Variants in DBP observed in about 807,000 individuals in gnomAD.
The protein encoded by DBP is D site-binding protein.
Under a neutral mutation model 21.4 loss-of-function variants are expected in DBP, and 12 were observed. The ratio of observed to expected loss-of-function variants is 0.56; its 90% CI spans 0.36 to 0.91. The LOEUF is 0.91. Ranked by LOEUF, DBP falls within the 40% of genes least tolerant of loss-of-function variation. The pLI, the probability that DBP is intolerant of heterozygous loss-of-function variation, is 0.01. For missense variants in DBP, 423 were observed against 473.4 expected (o/e 0.89, Z 0.99); for synonymous variants, 213 against 224.9 (o/e 0.95, Z 0.47).
At chr19:48,635,074 G>C (rs1227652907) in intron 2 of DBP, 1 of 986,848 alleles carries the variant, frequency 1.0e-6, no homozygotes, top group Admixed American at 6.1e-5. Context: ...ACCCGGGGCT[G>C]CAGCACGCCC....
At chr19:48,633,745 G>A in intron 2 of DBP, 90 bp from the exon 3 acceptor site, 3 of 1,092,958 alleles carry the variant, frequency 2.7e-6, no homozygotes, top group Non-Finnish European at 4.1e-6. Context: ...TAGCCACATG[G>A]AAAGTCCTTC....
In DBP at chr19:48,635,833, C is replaced by A; in HGVS notation, c.297G>T (p.Leu99=). 7.0e-7 allele frequency: 1 copy of A among 1,422,032 alleles called. No homozygotes were observed. Among genetic ancestry groups the A allele is most frequent in the Non-Finnish European group, 9.1e-7 (1 of 1,097,214 alleles). The allele number at this position is 1,422,032 out of a possible 1,614,324, so 88.1% of individuals were successfully genotyped here. Residue 99 remains leucine, a synonymous_variant, in exon 2 of 4, where the codon CTG becomes CTT. Transcript: ENST00000222122. Reference sequence around the variant, plus strand: ...TGCGCTCCCACAGCAGTGGCGCCAACAGACCCGGGGCGGGCACCGGCCCCG... The same window carrying A: ...TGCGCTCCCACAGCAGTGGCGCCAAAAGACCCGGGGCGGGCACCGGCCCCG... ...GRPGPVPAPG[L]LAPLLWERTL...
intron 1 of DBP, 21 bp downstream of exon 1, chr19:48,636,835 G>T: frequency 6.2e-7 from 1 of 1,610,368 alleles, no homozygotes; most frequent in Non-Finnish European, 8.5e-7. Context: ...CGAAGTGGGT[G>T]AGATGGGGGT....
rs781394032 is a variant in DBP, at chr19:48,633,523, T to C, written c.683A>G (p.His228Arg). 2 of 1,614,204 alleles carry C rather than the reference T, an allele frequency of 1.2e-6. No individual in the cohort carries two copies. Among genetic ancestry groups the C allele is most frequent in the Admixed American group, 1.7e-5 (1 of 60,020 alleles). ...PGHETFDPRR[H>R]RFSEEELKPQ... ...CTTAAGTTCCTCTTCTGAGAAGCGA[T>C]GTCTTCGAGGGTCAAAGGTCTCGTG... is the stretch of plus-strand genomic sequence containing the variant. The change falls in exon 3 of 4, where the codon CAT becomes CGT. Residue 228 changes from histidine to arginine, a missense_variant. This residue lies in a region of DBP where 77 missense variants were observed against 97.1 expected (regional missense o/e 0.79). Transcript: ENST00000222122.
intron 2 of DBP, 138 bp downstream of exon 2, chr19:48,635,442 A>G (rs1291936820): frequency 6.8e-7 from 1 of 1,476,720 alleles, no homozygotes; most frequent in African/African-American, 1.4e-5. Flanking sequence ...GCCCCCTCCC[A>G]CGACACCTCT....
chr19:48,634,062 T>C (rs181300194), intron 2 of DBP: 80 of 231,910 alleles, frequency 3.4e-4, no homozygotes, highest in Admixed American at 3.4e-3. Flanking sequence ...GCTGAGATCA[T>C]ACCACTGCAC....
At chr19:48,633,408 C>T in intron 3 of DBP, 36 bp downstream of exon 3, 1 of 1,604,932 alleles carries the variant, frequency 6.2e-7, no homozygotes, top group Non-Finnish European at 8.5e-7. Flanking sequence ...GGCATGTCTC[C>T]AGCCAAGTCT....
Position 48,637,318 on chromosome 19 carries a change from TC to T in DBP, c.-325del. The T allele has an allele frequency of 3.2e-6, 1 of 307,812 alleles. No individual in the cohort carries two copies. The highest frequency in any genetic ancestry group is 5.1e-5 in the East Asian group (1 of 19,432). The allele number at this position is 307,812 out of a possible 1,614,324, so 19.1% of individuals were successfully genotyped here. On this transcript the variant is annotated 5_prime_UTR_variant, in exon 1 of 4. Transcript: ENST00000222122. ...CTTCTACAAGGTGGGCGAGCCTGGC[TC>T]TTGCAAAATCTGCAGCTCTCGCAAC...
In DBP at chr19:48,635,404, C is replaced by T. The variant is rs900411812; in HGVS notation, c.550+176G>A. 3.0e-5 allele frequency: 44 copies of T among 1,465,452 alleles called. No homozygotes were observed. In the Admixed American group the frequency reaches 9.0e-4, roughly 30 times the overall value. 90.8% of individuals were successfully genotyped at this position (1,465,452 alleles called of 1,614,324 possible). A position where few individuals can be genotyped will look rare whatever the true frequency, so the allele number is the denominator to read the frequency against. ...CTCCTCCCCCATGGATCCATTGGTC[C>T]CTGACCCATTAAGAGACACCGAATC... On this transcript the variant is annotated intron_variant, in intron 2 of 3. Coordinates refer to ENST00000222122, the MANE Select transcript of DBP (RefSeq NM_001352.5).
chr19:48,637,012 C>T lies in DBP; in HGVS notation c.-18G>A. On this transcript the variant is annotated 5_prime_UTR_variant, in exon 1 of 4. Transcript: ENST00000222122. ...CGCGCCATCGCCTGGCACCTGCCCC[C>T]AGGCTCACGGGTTCATGGAGAGGCG... 1 of 1,479,202 alleles carries T rather than the reference C, an allele frequency of 6.8e-7. No homozygotes were observed. Among genetic ancestry groups the T allele is most frequent in the African/African-American group, 1.4e-5 (1 of 71,020 alleles). The allele number at this position is 1,479,202 out of a possible 1,614,324, so 91.6% of individuals were successfully genotyped here.
rs561960963 is a variant in DBP at position 48,636,474 on chromosome 19, C to T, written c.139+382G>A. 1.1e-3 allele frequency among the ~76,000 whole-genome samples: 169 copies of T among 152,164 alleles called. 2 individuals are homozygous for T. The highest frequency in any genetic ancestry group is 3.4e-3 in the Middle Eastern group (1 of 294). ...GGGGCACATCCCTCATCCCTAGACT[C>T]CATGTGACCCCATGACGCCCCGCCC... On this transcript the variant is annotated intron_variant, in intron 1 of 3. Transcript: ENST00000222122.
At position 48,630,902 on chromosome 19, in the gene DBP, G is replaced by A. The variant is rs1470921085; in HGVS notation, c.913C>T (p.Arg305Cys). 1.2e-6 allele frequency: 2 copies of A among 1,609,020 alleles called. No homozygotes were observed. The highest frequency in any genetic ancestry group is 8.5e-7 in the Non-Finnish European group (1 of 1,178,232). The change falls in exon 4 of 4, where the codon CGC becomes TGC. Residue 305 changes from arginine to cysteine, a missense_variant. By Grantham distance (180) the Arg-to-Cys change is radical (BLOSUM62 -3). Coordinates refer to ENST00000222122, the MANE Select transcript of DBP (RefSeq NM_001352.5). This position sits in a 1 kb window ranked among gnomAD's most constrained non-coding sequence, Gnocchi z 4.9. Reference protein sequence around the residue: ...ALLRQEVVAVRQELSHYRAVL... With the variant: ...ALLRQEVVAVCQELSHYRAVL... ...GCGCGGTAGTGGGACAGCTCCTGGC[G>A]CACGGCCACAACTTCCTGCCGCAGC...
chr19:48,630,241 A>G lies in DBP; in HGVS notation c.*596T>C. On this transcript the variant is annotated 3_prime_UTR_variant, in exon 4 of 4. Transcript: ENST00000222122. The surrounding 1 kb of genome is among the most constrained non-coding windows in gnomAD (Gnocchi z 4.9). The stretch of plus-strand genomic sequence containing the variant: ...GCTGGCCAATCAGCCCAGGAGGGGC[A>G]GGTTCCCCGGGGCCGGCGCTAGGAT... 2 of 1,275,046 alleles carry G rather than the reference A, an allele frequency of 1.6e-6. No homozygotes were observed. The highest frequency in any genetic ancestry group is 2.0e-6 in the Non-Finnish European group (2 of 1,010,834). 79.0% of individuals were successfully genotyped at this position (1,275,046 alleles called of 1,614,324 possible).
At chr19:48,636,771 GT>G in intron 1 of DBP, 84 bp downstream of exon 1, 1 of 1,501,736 alleles carries the variant, frequency 6.7e-7, no homozygotes, top group Non-Finnish European at 9.0e-7. Flanking sequence ...CCGCACGCAG[GT>G]TTCTATGGGA....
chr19:48,633,925 C>A (rs1215602887), intron 2 of DBP: 1 of 475,502 alleles, frequency 2.1e-6, no homozygotes, highest in Admixed American at 3.5e-5. Flanking sequence ...CATGGAGAAA[C>A]CTCATCTTTA....
chr19:48,630,095 G>A lies in DBP; in HGVS notation c.*742C>T. The A allele has an allele frequency of 2.4e-6, 3 of 1,274,298 alleles. No homozygotes were observed. Among genetic ancestry groups the A allele is most frequent in the East Asian group, 3.0e-5 (1 of 32,898 alleles). The allele number at this position is 1,274,298 out of a possible 1,614,324, so 78.9% of individuals were successfully genotyped here. A position where few individuals can be genotyped will look rare whatever the true frequency, so the allele number is the denominator to read the frequency against. ...CTACCCGGCCAGGATGGCTGAGGGC[G>A]GAGTCTATTTTACGCGTCGCCCAAT... On this transcript the variant is annotated 3_prime_UTR_variant, in exon 4 of 4. Coordinates refer to ENST00000222122, the MANE Select transcript of DBP (RefSeq NM_001352.5). The surrounding 1 kb of genome is among the most constrained non-coding windows in gnomAD (Gnocchi z 4.9).
intron 3 of DBP, 113 bp from the exon 4 acceptor site, chr19:48,631,165 G>T: frequency 1.1e-6 from 1 of 884,578 alleles, no homozygotes; most frequent in Non-Finnish European, 1.7e-6. Flanking sequence ...TGCTGGGATA[G>T]GTACCCAAGG....
At chr19:48,631,222 C>T (rs2030572744) in intron 3 of DBP, 170 bp from the exon 4 acceptor site, 2 of 616,938 alleles carry the variant, frequency 3.2e-6, no homozygotes, top group Admixed American at 5.9e-5. Flanking sequence ...GGGCCCCTAG[C>T]AACAGTAAAG....
Position 48,635,604 on chromosome 19 carries a change from C to G in DBP, c.526G>C (p.Gly176Arg), listed in dbSNP as rs926026724. The G allele has an allele frequency of 2.1e-5, 28 of 1,354,074 alleles. No homozygotes were observed. Among genetic ancestry groups the G allele is most frequent in the Middle Eastern group, 2.6e-4 (1 of 3,784 alleles). The allele number at this position is 1,354,074 out of a possible 1,614,324, so 83.9% of individuals were successfully genotyped here. Residue 176 changes from glycine to arginine, a missense_variant, in exon 2 of 4, where the codon GGG becomes CGG. Gly to Arg is a moderately radical substitution (Grantham distance 125, BLOSUM62 -2). Around this residue, in one of 4 missense-constraint regions of DBP, gnomAD observed 283 missense variants for 273.7 expected, o/e 1.03. Coordinates refer to ENST00000222122, the MANE Select transcript of DBP (RefSeq NM_001352.5). ...CCTGCGCGGTGGCCGCTGGCGGTCC[C>G]GAGGGCAGCCCGGGCGGGGGCGTGC... ...PGHAPARAAL[G>R]TASGHRAGLT...
Sources: allele counts gnomAD v4.1 joint callset (sites outside exome capture counted in the v4.1 genomes callset), GRCh38; gene constraint gnomAD v4.1.1; regional missense constraint gnomAD v4.1.1; non-coding constraint Gnocchi (gnomAD v3.1); transcripts MANE v1.5; gene names NCBI Gene and HGNC (gene_info 2026-07-23, HGNC 2026-07-21).